Variants in CFAP57 observed in about 807,000 individuals in gnomAD.
The protein encoded by CFAP57 is cilia- and flagella-associated protein 57.
In CFAP57, 116 loss-of-function variants were observed where a neutral mutation model predicts 146.8. That is an observed-to-expected ratio of 0.79 (90% CI 0.68 to 0.92). The LOEUF (loss-of-function observed/expected upper bound fraction) is 0.92, where lower values mean the gene tolerates loss of function less well. Ranked by LOEUF, CFAP57 falls within the 40% of genes least tolerant of loss-of-function variation. The pLI, the probability that CFAP57 is intolerant of heterozygous loss-of-function variation, is 0.00. For missense variants in CFAP57, 1,377 were observed against 1,527.2 expected, an observed-to-expected ratio of 0.90 and a Z score of 1.64; for synonymous variants, 518 against 552.8, an observed-to-expected ratio of 0.94 and a Z score of 0.88.
At chr1:43,183,515 A>T in intron 3 of CFAP57, 76 bp from the exon 4 acceptor site, 1 of 1,346,228 alleles carries the variant, frequency 7.4e-7, no homozygotes, top group Non-Finnish European at 1.1e-6. Context: ...AATAAATATT[A>T]ATTTGTAAAA....
Position 43,239,232 on chromosome 1 carries a change from G to GTGAA in CFAP57, c.3406-3974_3406-3971dup, listed in dbSNP as rs4019214. ...TAGATTACTTTTCTTACATGAATAC[G>GTGAA]TGAATGAATGAATGAATGAATGAAC... On this transcript the variant is annotated intron_variant, in intron 21 of 22. Transcript: ENST00000372492. 1.7e-3 allele frequency among the ~76,000 whole-genome samples: 251 copies of GTGAA among 151,794 alleles called. 1 individual carries two copies. Among genetic ancestry groups the GTGAA allele is most frequent in the Middle Eastern group, 6.8e-3 (2 of 292 alleles).
chr1:43,197,272 G>T (rs892318843), intron 6 of CFAP57, among the ~76,000 whole-genome samples: 1 of 152,162 alleles, frequency 6.6e-6, no homozygotes. Context: ...CAGGAGAATG[G>T]TGTGAACCCG....
chr1:43,222,041 T>C (rs1328098365), intron 14 of CFAP57, 64 bp from the exon 15 acceptor site: 3 of 1,433,956 alleles, frequency 2.1e-6, no homozygotes, highest in South Asian at 3.0e-5. Flanking sequence ...CGCCCAAGGC[T>C]CCTGGGTGTC....
intron 22 of CFAP57, among the ~76,000 whole-genome samples, chr1:43,243,728 G>C (rs1646012778): frequency 1.3e-5 from 2 of 152,138 alleles, no homozygotes; most frequent in African/African-American, 4.8e-5. Context: ...TAAGCTTCCT[G>C]AATTTAAAAA....
At position 43,186,841 on chromosome 1, in the gene CFAP57, C is replaced by T. The variant is rs1643159273; in HGVS notation, c.1104C>T (p.Ser368=). Residue 368 remains serine, a synonymous_variant, in exon 6 of 23, where the codon TCC becomes TCT. Transcript: ENST00000372492. ...SKNQLYSITM[S]LTEISKGEPA... ...ACCAACTCTACAGCATCACCATGTCCCTGACAGAGATCAGCAAGGTGAGTC... is the reference window on the plus strand; with the variant it reads ...ACCAACTCTACAGCATCACCATGTCTCTGACAGAGATCAGCAAGGTGAGTC... 1 of 1,613,968 alleles carries T rather than the reference C, an allele frequency of 6.2e-7. No homozygotes were observed. The highest frequency in any genetic ancestry group is 1.3e-5 in the African/African-American group (1 of 74,908).
intron 22 of CFAP57, among the ~76,000 whole-genome samples, chr1:43,245,612 C>G (rs1336422864): frequency 1.3e-5 from 2 of 152,004 alleles, no homozygotes; most frequent in Non-Finnish European, 2.9e-5. Context: ...GCCACAAAAC[C>G]CTCAAAAGGC....
intron 9 of CFAP57, among the ~76,000 whole-genome samples, chr1:43,203,290 A>G (rs1282642375): frequency 6.6e-6 from 1 of 152,182 alleles, no homozygotes; most frequent in Non-Finnish European, 1.5e-5. Context: ...AAGGAAAAAA[A>G]AATAACACTA....
chr1:43,221,705 C>A (rs1158210455), intron 14 of CFAP57, among the ~76,000 whole-genome samples: 1 of 152,196 alleles, frequency 6.6e-6, no homozygotes, highest in Non-Finnish European at 1.5e-5. Context: ...AAGTTTGGAA[C>A]CTGATAGTCT....
rs1442073471 is a variant in CFAP57 at position 43,181,650 on chromosome 1, A to C, written c.274A>C (p.Ile92Leu). 6.2e-7 allele frequency: 1 copy of C among 1,614,094 alleles called. No individual in the cohort carries two copies. The highest frequency in any genetic ancestry group is 8.5e-7 in the Non-Finnish European group (1 of 1,180,046). Residue 92 changes from isoleucine (I) to leucine (L), a missense_variant, in exon 3 of 23, where the codon ATC becomes CTC. Transcript: ENST00000372492. ...PAITIYELSS[I>L]PCRKRKVLNN... is the part of the protein sequence containing the mutation. ...CATCACCATTTATGAATTGTCATCC[A>C]TCCCTTGCCGGAAGCGCAAAGTTCT...
intron 6 of CFAP57, among the ~76,000 whole-genome samples, chr1:43,192,929 A>AG (rs1643634070): frequency 2.1e-5 from 3 of 140,460 alleles, no homozygotes; most frequent in South Asian, 4.5e-4. Context: ...ACTCCATCTC[A>AG]AAAAAAAAAA....
At chr1:43,182,062 G>A (rs779247626) in intron 3 of CFAP57, among the ~76,000 whole-genome samples, 1 of 152,204 alleles carries the variant, frequency 6.6e-6, no homozygotes. Context: ...CAAGATCACA[G>A]AGGTAGTGAA....
intron 12 of CFAP57, among the ~76,000 whole-genome samples, chr1:43,218,844 A>G (rs1040514106): frequency 5.3e-5 from 8 of 152,214 alleles, no homozygotes; most frequent in African/African-American, 1.7e-4. Context: ...TCATGCTTCA[A>G]TAAATATCTT....
At chr1:43,250,321 T>C (rs1397256222) in intron 22 of CFAP57, 1 of 152,188 alleles carries the variant, frequency 6.6e-6, no homozygotes, top group Non-Finnish European at 1.5e-5. Flanking sequence ...TGAACCAAAA[T>C]TTTGGGTAAA....
At chr1:43,186,544 G>A (rs1643112811) in intron 5 of CFAP57, among the ~76,000 whole-genome samples, 163 bp from the exon 6 acceptor site, 1 of 149,876 alleles carries the variant, frequency 6.7e-6, no homozygotes, top group African/African-American at 2.5e-5. Context: ...CCGGGAGGCG[G>A]AGCTTGCAGT....
In CFAP57 at chr1:43,238,244, T is replaced by A. The variant is rs1645777149; in HGVS notation, c.3405+3606T>A. On this transcript the variant is annotated intron_variant, in intron 21 of 22. Transcript: ENST00000372492. This position sits in a 1 kb window ranked among gnomAD's most constrained non-coding sequence, Gnocchi z 4.3. Reference sequence around the variant, plus strand: ...TTTTCCAGGCTGTGAGGTACTGCCATATTCTAAAGGCATCGACTCAGGCCA... The same window carrying A: ...TTTTCCAGGCTGTGAGGTACTGCCAAATTCTAAAGGCATCGACTCAGGCCA... Among the ~76,000 whole-genome samples the A allele has an allele frequency of 6.6e-6, 1 of 152,096 alleles. No individual in the cohort carries two copies. The highest frequency in any genetic ancestry group is 6.6e-5 in the Admixed American group (1 of 15,262).
At chr1:43,179,227 T>C (rs1203168518) in intron 2 of CFAP57, among the ~76,000 whole-genome samples, 2 of 152,148 alleles carry the variant, frequency 1.3e-5, no homozygotes, top group South Asian at 4.1e-4. Flanking sequence ...GGCACATGTA[T>C]ACATATGTAA....
chr1:43,175,333 C>T (rs532105801), intron 2 of CFAP57, among the ~76,000 whole-genome samples: 78 of 151,556 alleles, frequency 5.1e-4, no homozygotes, highest in African/African-American at 1.8e-3. Flanking sequence ...AGTATATATA[C>T]ATACATATAG....
At chr1:43,176,429 T>C (rs896404301) in intron 2 of CFAP57, among the ~76,000 whole-genome samples, 3 of 152,180 alleles carry the variant, frequency 2.0e-5, no homozygotes, top group Non-Finnish European at 2.9e-5. Context: ...GTCATGACAT[T>C]GGGAGACCTG....
intron 18 of CFAP57, among the ~76,000 whole-genome samples, chr1:43,227,847 T>G (rs981570507): frequency 1.3e-5 from 2 of 152,204 alleles, no homozygotes; most frequent in Admixed American, 6.5e-5. Context: ...TTTCCCTCTC[T>G]CAGTTAGTGG....
Sources: gnomAD v4.1 joint callset for allele counts (sites outside exome capture counted in the v4.1 genomes callset) on GRCh38, gnomAD v4.1.1 for gene constraint, Gnocchi (gnomAD v3.1) non-coding constraint, MANE v1.5 for transcripts, NCBI Gene and HGNC (gene_info 2026-07-23, HGNC 2026-07-21) for gene names.